The following TYW1B variants were observed in gnomAD, a reference collection of about 807,000 sequenced individuals.
TYW1B encodes the protein S-adenosyl-L-methionine-dependent tRNA 4-demethylwyosine synthase TYW1B.
In TYW1B, 73 loss-of-function variants were observed where a neutral mutation model predicts 86.9. That is an observed-to-expected ratio of 0.84 (90% CI 0.70 to 1.02). TYW1B has a LOEUF of 1.02. Ranked by LOEUF, TYW1B falls within the 50% of genes least tolerant of loss-of-function variation. The pLI, the probability that TYW1B is intolerant of heterozygous loss-of-function variation, is 0.00. For synonymous variants in TYW1B, 248 were observed against 292.8 expected, an observed-to-expected ratio of 0.85 and a Z score of 1.56; for missense variants, 637 against 827.4, an observed-to-expected ratio of 0.77 and a Z score of 2.82.
chr7:72,790,890 G>A (rs1455620642), intron 6 of TYW1B, among the ~76,000 whole-genome samples: 13 of 152,332 alleles, frequency 8.5e-5, no homozygotes, highest in Admixed American at 2.0e-4. Context: ...CTGGGAGCCC[G>A]GCCCCAGCAA....
intron 6 of TYW1B, among the ~76,000 whole-genome samples, chr7:72,785,803 A>G (rs1401883951): frequency 2.6e-5 from 4 of 152,094 alleles, no homozygotes; most frequent in Admixed American, 1.3e-4. Context: ...GGAATGTGTG[A>G]GCCAGCCCCA....
chr7:72,617,770 T>C (rs1465252614), intron 12 of TYW1B, among the ~76,000 whole-genome samples: 1 of 152,182 alleles, frequency 6.6e-6, no homozygotes, highest in Non-Finnish European at 1.5e-5. Context: ...CCTACATACC[T>C]TTACACACAA....
intron 13 of TYW1B, among the ~76,000 whole-genome samples, chr7:72,603,322 T>TGATGGATGGATG (rs34898249): frequency 2.2e-5 from 3 of 137,804 alleles, no homozygotes; most frequent in African/African-American, 6.4e-5. Context: ...GACAGATAGA[T>TGATGGATGGATG]GATGGATGGA....
intron 11 of TYW1B, among the ~76,000 whole-genome samples, chr7:72,690,328 T>C (rs1345511845): frequency 6.6e-6 from 1 of 152,218 alleles, no homozygotes; most frequent in Non-Finnish European, 1.5e-5. Context: ...GTTTGACAAG[T>C]AGCTATCGTG....
chr7:72,651,274 TA>T (rs1813047761), intron 11 of TYW1B, among the ~76,000 whole-genome samples: 2 of 146,982 alleles, frequency 1.4e-5, no homozygotes, highest in Admixed American at 1.3e-4. Flanking sequence ...TTCAATCATT[TA>T]TCCACTTGGG....
Position 72,632,303 on chromosome 7 carries a change from G to A in TYW1B, c.1507-3306C>T, listed in dbSNP as rs1384094719. ...TATACGTGTATATATATATATACGT[G>A]TATATATATTATATATATTATATAT... On this transcript the variant is annotated intron_variant, in intron 11 of 13. Transcript: ENST00000620995. Among the ~76,000 whole-genome samples the A allele has an allele frequency of 4.1e-3, 232 of 56,468 alleles. 9 individuals carry two copies. Among genetic ancestry groups the A allele is most frequent in the African/African-American group, 0.03 (198 of 6,696 alleles). 37.0% of individuals were successfully genotyped at this position (56,468 alleles called of 152,430 possible). A position where few individuals can be genotyped will look rare whatever the true frequency, so the allele number is the denominator to read the frequency against.
intron 3 of TYW1B, among the ~76,000 whole-genome samples, chr7:72,814,947 T>G (rs1235583354): frequency 4.0e-5 from 6 of 148,330 alleles, no homozygotes; most frequent in African/African-American, 1.2e-4. Flanking sequence ...CACATGCCTG[T>G]AAATCCCAGC....
intron 7 of TYW1B, chr7:72,769,273 G>A (rs1787827025): frequency 5.3e-6 from 1 of 187,130 alleles, no homozygotes; most frequent in African/African-American, 2.4e-5. Context: ...GCATATGTAT[G>A]TGTCTTCCTT....
At chr7:72,827,025 G>A (rs572941366) in intron 1 of TYW1B, 40 bp from the exon 2 acceptor site, 1 of 1,577,786 alleles carries the variant, frequency 6.3e-7, no homozygotes, top group East Asian at 2.3e-5. Flanking sequence ...TTCATTTAAA[G>A]CTACATATAC....
At chr7:72,725,756 G>T (rs566300619) in intron 9 of TYW1B, among the ~76,000 whole-genome samples, 37 of 152,180 alleles carry the variant, frequency 2.4e-4, no homozygotes, top group Non-Finnish European at 3.8e-4. Context: ...ACTCTTCCCT[G>T]AGTCTCCAAC....
chr7:72,790,108 T>C (rs1788194806), intron 6 of TYW1B, among the ~76,000 whole-genome samples: 1 of 151,730 alleles, frequency 6.6e-6, no homozygotes, highest in Non-Finnish European at 1.5e-5. Context: ...CCACCACGCC[T>C]GGCTAATTTT....
chr7:72,601,641 C>T (rs1354851059), intron 13 of TYW1B, among the ~76,000 whole-genome samples: 1 of 149,932 alleles, frequency 6.7e-6, no homozygotes, highest in Non-Finnish European at 1.5e-5. Flanking sequence ...AATGAATAAA[C>T]CAACTGTGGT....
Position 72,783,727 on chromosome 7 carries a change from T to C in TYW1B, c.847-6194A>G, listed in dbSNP as rs186723102. ...CCCAAGCACGTCAAGAGCTTTACTC[T>C]GACACAGTAATTCTATTTTGGATAA... On this transcript the variant is annotated intron_variant, in intron 6 of 13. Transcript: ENST00000620995. Among the ~76,000 whole-genome samples the C allele has an allele frequency of 2.1e-3, 315 of 152,322 alleles. 1 individual carries two copies. The highest frequency in any genetic ancestry group is 7.4e-3 in the African/African-American group (307 of 41,592).
intron 7 of TYW1B, among the ~76,000 whole-genome samples, chr7:72,770,195 C>T (rs1787841376): frequency 6.6e-6 from 1 of 151,632 alleles, no homozygotes; most frequent in South Asian, 2.1e-4. Flanking sequence ...CTTTGGGAGG[C>T]CTAGGTGGGC....
chr7:72,776,236 T>C (rs1554470503), intron 7 of TYW1B, among the ~76,000 whole-genome samples: 1 of 152,172 alleles, frequency 6.6e-6, no homozygotes, highest in Non-Finnish European at 1.5e-5. Context: ...TGTACGGTTC[T>C]TCTACACATT....
At chr7:72,588,010 A>G (rs1554430767) in intron 13 of TYW1B, among the ~76,000 whole-genome samples, 3 of 152,164 alleles carry the variant, frequency 2.0e-5, no homozygotes, top group Non-Finnish European at 4.4e-5. Context: ...TGCCGGTTGT[A>G]GCTACAACTG....
chr7:72,656,378 A>AT (rs2129569338), intron 11 of TYW1B, among the ~76,000 whole-genome samples: 1 of 152,328 alleles, frequency 6.6e-6, no homozygotes, highest in Admixed American at 6.5e-5. Flanking sequence ...GATATCAATG[A>AT]TAAGGACACA....
intron 13 of TYW1B, among the ~76,000 whole-genome samples, chr7:72,578,299 T>C (rs1585821077): frequency 6.6e-6 from 1 of 152,004 alleles, no homozygotes; most frequent in African/African-American, 2.4e-5. Context: ...GTATTTTTAA[T>C]AGAGACGGGG....
At chr7:72,701,063 CA>C (rs1371313996) in intron 10 of TYW1B, among the ~76,000 whole-genome samples, 425 of 144,208 alleles carry the variant, frequency 2.9e-3, no homozygotes, top group African/African-American at 7.1e-3. Flanking sequence ...GATTCCATCT[CA>C]GAAAAAAAAA....
Sources: gnomAD v4.1 joint callset for allele counts (sites outside exome capture counted in the v4.1 genomes callset) on GRCh38, gnomAD v4.1.1 for gene constraint, MANE v1.5 for transcripts, NCBI Gene and HGNC (gene_info 2026-07-23, HGNC 2026-07-21) for gene names.